Variants in RIMS2 observed in about 807,000 individuals in gnomAD.
RIMS2 encodes regulating synaptic membrane exocytosis 2.
In RIMS2, 59 loss-of-function variants were observed where a neutral mutation model predicts 174.4. The observed-to-expected ratio is 0.34, with a 90% CI of 0.27 to 0.42. The LOEUF is 0.42. RIMS2 is among the 10% of genes least tolerant of loss of function. RIMS2 has a pLI of 1.00. For synonymous variants in RIMS2, 606 were observed against 572.5 expected (o/e 1.06, Z -0.84); for missense variants, 1,620 against 1,666.3 (o/e 0.97, Z 0.48).
intron 2 of RIMS2, among the ~76,000 whole-genome samples, chr8:103,727,679 A>AT (rs1178789742): frequency 6.6e-6 from 1 of 152,306 alleles, no homozygotes; most frequent in East Asian, 1.9e-4. Context: ...CCCCATCACC[A>AT]TTTATTGAGG....
intron 19 of RIMS2, among the ~76,000 whole-genome samples, chr8:104,159,593 G>A (rs2098748115): frequency 6.6e-6 from 1 of 151,988 alleles, no homozygotes; most frequent in African/African-American, 2.4e-5. Flanking sequence ...TTTTTTTGTG[G>A]GGGTGGTTTC....
chr8:103,856,525 A>G (rs769144669), intron 3 of RIMS2, among the ~76,000 whole-genome samples: 5 of 152,224 alleles, frequency 3.3e-5, no homozygotes, highest in Non-Finnish European at 7.3e-5. Flanking sequence ...TTGATTTTCA[A>G]TTGTAACTGA....
chr8:103,620,414 C>T (rs558378238), intron 1 of RIMS2, among the ~76,000 whole-genome samples: 76 of 151,268 alleles, frequency 5.0e-4, no homozygotes, highest in Admixed American at 5.3e-4. Flanking sequence ...AAATGTTGAC[C>T]GCATCATTTA....
At chr8:103,587,416 G>GAAAA (rs1205461410) in intron 1 of RIMS2, among the ~76,000 whole-genome samples, 2 of 66,468 alleles carry the variant, frequency 3.0e-5, no homozygotes, top group Admixed American at 2.6e-4. Flanking sequence ...AAAGAAGAAA[G>GAAAA]AAAGAAAGAA....
At chr8:103,673,213 C>T (rs1194383993) in intron 1 of RIMS2, among the ~76,000 whole-genome samples, 3 of 152,162 alleles carry the variant, frequency 2.0e-5, no homozygotes, top group Non-Finnish European at 2.9e-5. Context: ...TTATTGAGTG[C>T]CTGCAGCTTT....
At chr8:103,811,556 T>C (rs2098687932) in intron 3 of RIMS2, among the ~76,000 whole-genome samples, 1 of 152,132 alleles carries the variant, frequency 6.6e-6, no homozygotes, top group Non-Finnish European at 1.5e-5. Context: ...GTGATTCTCC[T>C]GCCTCAGCCT....
rs75491329 is a variant in RIMS2, at chr8:103,849,293, G to C, written c.699-36005G>C. ...AGTGTCTGTCTCTAGGTTCACTCCT[G>C]GCATTAATTGTCTCAGGTCAAGTTC... is the stretch of plus-strand genomic sequence containing the variant. On this transcript the variant is annotated intron_variant, in intron 3 of 23. Coordinates refer to ENST00000504942, the Ensembl canonical transcript of RIMS2. Among the ~76,000 whole-genome samples the C allele has an allele frequency of 2.0e-3, 297 of 152,096 alleles. 2 individuals are homozygous for C. Among genetic ancestry groups the C allele is most frequent in the African/African-American group, 6.9e-3 (288 of 41,512 alleles).
At chr8:103,642,421 C>T (rs530583735) in intron 1 of RIMS2, among the ~76,000 whole-genome samples, 2 of 152,088 alleles carry the variant, frequency 1.3e-5, no homozygotes, top group Admixed American at 6.6e-5. Context: ...TACAGTATTG[C>T]TACAGTTCCA....
chr8:103,737,175 C>CTTTTTTTTTTTT lies in RIMS2; in HGVS notation c.388-29037_388-29026dup, dbSNP rs554949027. Among the ~76,000 whole-genome samples, 6 of 67,506 alleles carry CTTTTTTTTTTTT rather than the reference C, an allele frequency of 8.9e-5. 1 individual carries two copies. Among genetic ancestry groups the CTTTTTTTTTTTT allele is most frequent in the Non-Finnish European group, 1.3e-4 (5 of 38,732 alleles). The allele number at this position is 67,506 out of a possible 152,430, so 44.3% of individuals were successfully genotyped here. On this transcript the variant is annotated intron_variant, in intron 2 of 23. Transcript: ENST00000504942. Reference sequence around the variant, plus strand: ...TCCTTTTCTTTTCTTTTTCTTTGTTCTTTTTTTTTTTTTTTTTTTTTTTTT... The same window carrying CTTTTTTTTTTTT: ...TCCTTTTCTTTTCTTTTTCTTTGTTCTTTTTTTTTTTTTTTTTTTTTTTTTTTTTTTTTTTTT...
At chr8:103,575,228 A>C (rs1563840491) in intron 1 of RIMS2, among the ~76,000 whole-genome samples, 1 of 152,236 alleles carries the variant, frequency 6.6e-6, no homozygotes, top group Non-Finnish European at 1.5e-5. Flanking sequence ...AATACAGAAT[A>C]AAACCACAGT....
chr8:103,680,671 A>G (rs1366001334), intron 1 of RIMS2, among the ~76,000 whole-genome samples: 2 of 152,050 alleles, frequency 1.3e-5, no homozygotes, highest in Admixed American at 6.6e-5. Context: ...ATGAAGAATA[A>G]TACAGGAAAT....
At chr8:103,873,666 AT>A (rs1424074404) in intron 3 of RIMS2, among the ~76,000 whole-genome samples, 114 of 152,270 alleles carry the variant, frequency 7.5e-4, no homozygotes, top group African/African-American at 2.6e-3. Context: ...GTGATATTAA[AT>A]ATGCAATATT....
At chr8:103,593,733 C>A (rs1017911995) in intron 1 of RIMS2, among the ~76,000 whole-genome samples, 1 of 151,066 alleles carries the variant, frequency 6.6e-6, no homozygotes, top group African/African-American at 2.4e-5. Context: ...AATGTGATTA[C>A]TTTTAATTAA....
At chr8:104,240,664 C>A (rs1403432550) in intron 19 of RIMS2, among the ~76,000 whole-genome samples, 2 of 152,062 alleles carry the variant, frequency 1.3e-5, no homozygotes, top group Admixed American at 1.3e-4. Context: ...GACATTAGAA[C>A]TCAAAGATAT....
At position 103,737,114 on chromosome 8, in the gene RIMS2, T is replaced by A. The variant is rs562459398; in HGVS notation, c.388-29113T>A. 2.0e-3 allele frequency among the ~76,000 whole-genome samples: 304 copies of A among 151,932 alleles called. 2 individuals are homozygous for A. The highest frequency in any genetic ancestry group is 7.0e-3 in the African/African-American group (289 of 41,528). ...CCCCTTGAAAGCATTATTGGATACT[T>A]TTTTCCTTTAACCAAAAACCTCTAG... On this transcript the variant is annotated intron_variant, in intron 2 of 23. Transcript: ENST00000504942.
At chr8:103,910,416 G>A (rs1375704616) in intron 5 of RIMS2, 1 of 1,596,576 alleles carries the variant, frequency 6.3e-7, no homozygotes, top group Admixed American at 1.7e-5. Context: ...GATGTACTTT[G>A]GTGGCCACTC....
chr8:104,192,958 C>T (rs1289145590), intron 19 of RIMS2, among the ~76,000 whole-genome samples: 1 of 152,064 alleles, frequency 6.6e-6, no homozygotes, highest in Non-Finnish European at 1.5e-5. Context: ...AAGGAGTCAG[C>T]ACAAGGAAAC....
chr8:103,819,762 T>G (rs2098740381), intron 3 of RIMS2: 6 of 606,604 alleles, frequency 9.9e-6, no homozygotes, highest in Admixed American at 3.6e-5. Context: ...ATATAAAATT[T>G]TATATAGCAT....
Position 103,734,317 on chromosome 8 carries a change from CTTT to C in RIMS2, c.388-31894_388-31892del, listed in dbSNP as rs752360759. Among the ~76,000 whole-genome samples the C allele has an allele frequency of 1.5e-3, 181 of 121,694 alleles. 1 individual carries two copies. Among genetic ancestry groups the C allele is most frequent in the African/African-American group, 4.1e-3 (134 of 32,614 alleles). The allele number at this position is 121,694 out of a possible 152,430, so 79.8% of individuals were successfully genotyped here. On this transcript the variant is annotated intron_variant, in intron 2 of 23. Transcript: ENST00000504942. ...TGAGCCACCACACCTGGCCTAAAAG[CTTT>C]TTTTTTTTTTTTTTTAACATTTCTT...
Sources: allele counts gnomAD v4.1 joint callset (sites outside exome capture counted in the v4.1 genomes callset), GRCh38; gene constraint gnomAD v4.1.1; transcripts MANE v1.5; gene names NCBI Gene and HGNC (gene_info 2026-07-23, HGNC 2026-07-21).